The following VIPR1 variants were observed in gnomAD, a reference collection of about 807,000 sequenced individuals.
VIPR1 encodes vasoactive intestinal polypeptide receptor 1.
VIPR1 carries 59 observed loss-of-function variants against 58.8 expected under a neutral mutation model. The observed-to-expected ratio is 1.00, with a 90% confidence interval of 0.81 to 1.25. VIPR1 has a LOEUF of 1.25. Among genes scored for constraint, VIPR1 ranks in the 50% most tolerant of loss-of-function variants. The probability of loss-of-function intolerance (pLI) is 0.00; values close to 1 mark genes in which losing one functional copy is unlikely to be tolerated. For missense variants in VIPR1, 626 were observed against 602.7 expected (o/e 1.04, Z -0.40); for synonymous variants, 251 against 242.1 (o/e 1.04, Z -0.34).
intron 2 of VIPR1, among the ~76,000 whole-genome samples, chr3:42,514,067 T>A (rs1347765885): frequency 6.6e-6 from 1 of 152,118 alleles, no homozygotes; most frequent in Non-Finnish European, 1.5e-5. Context: ...AAGGAGGACA[T>A]ACTAAATTGG....
intron 10 of VIPR1, chr3:42,534,758 T>C (rs111230432): frequency 0.013 from 6,882 of 519,004 alleles, 76 homozygotes; most frequent in Non-Finnish European, 0.016. Flanking sequence ...CATGCTTCCC[T>C]CCAGGCCAGG....
intron 8 of VIPR1, 93 bp from the exon 9 acceptor site, chr3:42,531,710 C>T: frequency 6.3e-7 from 1 of 1,582,156 alleles, no homozygotes; most frequent in Non-Finnish European, 8.7e-7. Flanking sequence ...CTAAAGTGCT[C>T]AGGAGCAGAG....
At chr3:42,536,035 TCAGCAGTGGAAGAGGCTCCA>T in intron 12 of VIPR1, 35 bp from the exon 13 acceptor site, 1 of 1,512,906 alleles carries the variant, frequency 6.6e-7, no homozygotes, top group Non-Finnish European at 8.9e-7. Flanking sequence ...GGCAGCCCAA[TCAGCAGTGGAAGAGGCTCCA>T]CAGCAGTGGG....
intron 4 of VIPR1, 107 bp downstream of exon 4, chr3:42,526,100 A>G: frequency 9.1e-7 from 1 of 1,097,146 alleles, no homozygotes; most frequent in Non-Finnish European, 1.3e-6. Flanking sequence ...TGGGAACAGG[A>G]CTCCTGGAGT....
At position 42,517,773 on chromosome 3, in the gene VIPR1, C is replaced by T. The variant is rs540248383; in HGVS notation, c.185-1450C>T. Among the ~76,000 whole-genome samples the T allele has an allele frequency of 2.0e-4, 30 of 152,220 alleles. No homozygotes were observed. In the East Asian group the frequency reaches 2.1e-3, roughly 11 times the overall value. On this transcript the variant is annotated intron_variant, in intron 2 of 12. Coordinates refer to ENST00000325123, the MANE Select transcript of VIPR1 (RefSeq NM_004624.4). ...GGTGAATCACCTGGGGTCAGGAGTT[C>T]GAGACCAGCCTGGCCAACATGGCGA...
intron 7 of VIPR1, chr3:42,531,269 G>A (rs146463677): frequency 4.3e-5 from 27 of 632,756 alleles, no homozygotes; most frequent in Non-Finnish European, 7.2e-5. Context: ...GGTAGACACA[G>A]CCCTTCAGGC....
intron 1 of VIPR1, chr3:42,492,638 G>C (rs1366641261): frequency 1.3e-5 from 2 of 152,274 alleles, no homozygotes; most frequent in African/African-American, 4.8e-5. Flanking sequence ...GAGGAGGGTG[G>C]AGGCTGGAAG....
chr3:42,531,945 G>T, intron 9 of VIPR1, 76 bp downstream of exon 9: 1 of 1,538,314 alleles, frequency 6.5e-7, no homozygotes, highest in East Asian at 2.3e-5. Context: ...GGTCACATGG[G>T]AAATTAGTAT....
intron 2 of VIPR1, among the ~76,000 whole-genome samples, chr3:42,515,266 T>A (rs1329329745): frequency 1.3e-5 from 2 of 152,210 alleles, no homozygotes; most frequent in Non-Finnish European, 2.9e-5. Flanking sequence ...GTTCTGTAAG[T>A]GAGTATGTGT....
chr3:42,498,007 C>G (rs189961921), upstream of VIPR1, among the ~76,000 whole-genome samples: 2 of 152,322 alleles, frequency 1.3e-5, no homozygotes, highest in East Asian at 3.9e-4. Flanking sequence ...AAGGAGTTCT[C>G]AGGTTTTTCC....
rs547803027 is a variant in VIPR1 at position 42,513,709 on chromosome 3, A to G, written c.79-40A>G. The G allele has an allele frequency of 7.0e-5, 108 of 1,546,338 alleles. No individual in the cohort carries two copies. In the South Asian group the frequency reaches 1.1e-3, roughly 16 times the overall value. Reference sequence around the variant, plus strand: ...GACTGGGCCTGGTGCTCCTGAGTCTATGGACGAGGCTGATGGGCCCTCCCT... The same window carrying G: ...GACTGGGCCTGGTGCTCCTGAGTCTGTGGACGAGGCTGATGGGCCCTCCCT... On this transcript the variant is annotated intron_variant, in intron 1 of 12. Transcript: ENST00000325123.
chr3:42,532,553 C>T, intron 10 of VIPR1: 1 of 605,614 alleles, frequency 1.7e-6, no homozygotes, highest in Non-Finnish European at 3.0e-6. Flanking sequence ...GCTTCTCCTG[C>T]CCACACTCAC....
In VIPR1 at chr3:42,530,873, T is replaced by C. The variant is rs1559496163; in HGVS notation, c.731T>C (p.Leu244Pro). 1.2e-6 allele frequency: 2 copies of C among 1,614,134 alleles called. No homozygotes were observed. Among genetic ancestry groups the C allele is most frequent in the East Asian group, 4.5e-5 (2 of 44,892 alleles). Residue 244 changes from leucine (L) to proline (P), a missense_variant, in exon 7 of 13, where the codon CTT becomes CCT. Physicochemically the swap from Leu to Pro is moderately conservative, Grantham distance 98. Coordinates refer to ENST00000325123, the MANE Select transcript of VIPR1 (RefSeq NM_004624.4). ...GAGGGCCTCTACCTGTACACCCTGC[T>C]TGCCGTCTCCTTCTTCTCTGAGCGG... The part of the protein sequence containing the change: ...LVEGLYLYTL[L>P]AVSFFSERKY...
At chr3:42,502,410 G>A (rs1010398855), upstream of VIPR1, among the ~76,000 whole-genome samples, 4 of 152,220 alleles carry the variant, frequency 2.6e-5, no homozygotes, top group Non-Finnish European at 5.9e-5. Flanking sequence ...TGATGAGCCC[G>A]GAGGGGCGAA....
At chr3:42,513,932 A>C (rs1224385091) in intron 2 of VIPR1, 78 bp downstream of exon 2, 2 of 1,457,868 alleles carry the variant, frequency 1.4e-6, no homozygotes, top group Non-Finnish European at 1.9e-6. Context: ...CTGAGATCCA[A>C]GTCACGTTCG....
chr3:42,499,891 C>T (rs774700385), upstream of VIPR1, among the ~76,000 whole-genome samples: 1 of 152,210 alleles, frequency 6.6e-6, no homozygotes, highest in East Asian at 1.9e-4. Context: ...CCCCTTCCCC[C>T]CAGTGCTTCA....
intron 1 of VIPR1, 138 bp from the exon 2 acceptor site, chr3:42,513,611 C>T: frequency 1.1e-6 from 1 of 874,098 alleles, no homozygotes; most frequent in South Asian, 1.9e-5. Flanking sequence ...GTTCAGGTTT[C>T]AGTCTTGGGT....
At chr3:42,510,929 C>T (rs990748992) in intron 1 of VIPR1, among the ~76,000 whole-genome samples, 8 of 152,030 alleles carry the variant, frequency 5.3e-5, no homozygotes, top group South Asian at 4.1e-4. Flanking sequence ...AAATCCTAGG[C>T]GCCCATGGTG....
At chr3:42,519,603 A>C in intron 3 of VIPR1, 1 of 328,020 alleles carries the variant, frequency 3.0e-6, no homozygotes, top group South Asian at 6.0e-5. Flanking sequence ...TTAAATTATG[A>C]CTCCCATAGT....
Sources: allele counts gnomAD v4.1 joint callset (sites outside exome capture counted in the v4.1 genomes callset), GRCh38; gene constraint gnomAD v4.1.1; transcripts MANE v1.5; gene names NCBI Gene and HGNC (gene_info 2026-07-23, HGNC 2026-07-21).